TENM4: variants seen among roughly 807,000 people sequenced by gnomAD.
The protein encoded by TENM4 is teneurin-4.
Under a neutral mutation model 243.3 loss-of-function variants are expected in TENM4, and 82 were observed. That is an observed-to-expected ratio of 0.34 (90% CI 0.28 to 0.40). The LOEUF is 0.40. TENM4 is among the 10% of genes least tolerant of loss of function. The pLI, the probability that TENM4 is intolerant of heterozygous loss-of-function variation, is 1.00. For synonymous variants in TENM4, 1,412 were observed against 1,456.3 expected, an observed-to-expected ratio of 0.97 and a Z score of 0.69; for missense variants, 3,138 against 3,673.3, an observed-to-expected ratio of 0.85 and a Z score of 3.77.
intron 3 of TENM4, among the ~76,000 whole-genome samples, chr11:79,181,086 A>G (rs1863273917): frequency 6.6e-6 from 1 of 152,172 alleles, no homozygotes; most frequent in African/African-American, 2.4e-5. Context: ...TTCCTAACTC[A>G]TTCCATGAGG....
intron 2 of TENM4, among the ~76,000 whole-genome samples, chr11:79,271,203 C>T (rs1855963415): frequency 6.6e-6 from 1 of 152,194 alleles, no homozygotes; most frequent in South Asian, 2.1e-4. Flanking sequence ...GCAAGGGGAA[C>T]ATTCAAACTG....
At chr11:79,131,163 A>G (rs933252500) in intron 4 of TENM4, among the ~76,000 whole-genome samples, 21 of 152,206 alleles carry the variant, frequency 1.4e-4, no homozygotes, top group Admixed American at 6.5e-5. Context: ...AGCCATCCAA[A>G]TACAAGAAAT....
At chr11:78,840,244 A>G (rs1381512878) in intron 12 of TENM4, among the ~76,000 whole-genome samples, 2 of 152,198 alleles carry the variant, frequency 1.3e-5, no homozygotes, top group African/African-American at 4.8e-5. Flanking sequence ...CTTCTGCTTT[A>G]GGTCACAGGG....
intron 6 of TENM4, among the ~76,000 whole-genome samples, chr11:79,008,450 CACA>C (rs1378244851): frequency 1.3e-5 from 2 of 152,182 alleles, no homozygotes; most frequent in East Asian, 1.9e-4. Context: ...ACATCATTCA[CACA>C]ACACTATTAA....
At chr11:79,058,543 C>CAA (rs58082527) in intron 6 of TENM4, among the ~76,000 whole-genome samples, 80 of 102,670 alleles carry the variant, frequency 7.8e-4, no homozygotes, top group African/African-American at 2.1e-3. Flanking sequence ...GACTCCATCT[C>CAA]AAAAAAAAAA....
chr11:78,688,984 G>A (rs1858752362), intron 28 of TENM4, among the ~76,000 whole-genome samples: 1 of 152,064 alleles, frequency 6.6e-6, no homozygotes, highest in South Asian at 2.1e-4. Context: ...TCCAATATAC[G>A]AGGCATGGTG....
chr11:78,662,145 C>T (rs1490129093), intron 32 of TENM4, among the ~76,000 whole-genome samples: 1 of 151,908 alleles, frequency 6.6e-6, no homozygotes, highest in East Asian at 1.9e-4. Context: ...ACCTTTTATA[C>T]TCTGACAGCC....
At chr11:78,879,652 C>A (rs139518806) in intron 9 of TENM4, among the ~76,000 whole-genome samples, 8,265 of 129,028 alleles carry the variant, frequency 0.064, 388 homozygotes, top group African/African-American at 0.14. Flanking sequence ...CTCTGCCCGG[C>A]CGCCACACCG....
chr11:79,263,209 A>G (rs1414689489), intron 2 of TENM4, among the ~76,000 whole-genome samples: 1 of 152,192 alleles, frequency 6.6e-6, no homozygotes, highest in Admixed American at 6.5e-5. Flanking sequence ...GCTGTCCACA[A>G]CTGTGGGCCC....
At chr11:79,158,234 A>G (rs1862663842) in intron 3 of TENM4, among the ~76,000 whole-genome samples, 1 of 152,220 alleles carries the variant, frequency 6.6e-6, no homozygotes, top group South Asian at 2.1e-4. Flanking sequence ...AAATACTCAT[A>G]GACACTTAAG....
rs562068484 is a variant in TENM4, at chr11:79,344,755, G to C, written c.-320-47212C>G. Among the ~76,000 whole-genome samples, 281 of 152,272 alleles carry C rather than the reference G, an allele frequency of 1.8e-3. 1 individual carries two copies. Among genetic ancestry groups the C allele is most frequent in the Non-Finnish European group, 2.3e-3 (156 of 68,024 alleles). ...TGCAAAGAAGGAAGCAGAGTAATCAGGCCATCTGCCCAATTTTACCTAAAT... is the reference window on the plus strand; with the variant it reads ...TGCAAAGAAGGAAGCAGAGTAATCACGCCATCTGCCCAATTTTACCTAAAT... On this transcript the variant is annotated intron_variant, in intron 1 of 33. Transcript: ENST00000278550.
intron 6 of TENM4, among the ~76,000 whole-genome samples, chr11:78,996,559 T>C (rs1481064455): frequency 6.6e-6 from 1 of 152,108 alleles, no homozygotes; most frequent in Non-Finnish European, 1.5e-5. Context: ...AGTTTTAGGA[T>C]AGTTTGTTAC....
intron 16 of TENM4, among the ~76,000 whole-genome samples, chr11:78,782,215 T>G (rs961559971): frequency 1.3e-5 from 2 of 150,518 alleles, no homozygotes; most frequent in Non-Finnish European, 2.9e-5. Flanking sequence ...TCCCAGCACT[T>G]TGGGAGGCTG....
chr11:79,205,470 G>T (rs149147681), intron 3 of TENM4, among the ~76,000 whole-genome samples: 1 of 152,080 alleles, frequency 6.6e-6, no homozygotes, highest in South Asian at 2.1e-4. Context: ...CTCCATACCC[G>T]CATCCCTTCC....
chr11:79,023,286 G>C (rs1474680009), intron 6 of TENM4, among the ~76,000 whole-genome samples: 1 of 152,214 alleles, frequency 6.6e-6, no homozygotes, highest in South Asian at 2.1e-4. Context: ...TCAGCCTGGC[G>C]TGGTGGCTCA....
chr11:79,216,305 G>A (rs1213547145), intron 2 of TENM4, among the ~76,000 whole-genome samples: 1 of 152,212 alleles, frequency 6.6e-6, no homozygotes, highest in East Asian at 1.9e-4. Flanking sequence ...AGTAGGAACT[G>A]CGTGTTATTT....
chr11:78,937,346 C>T (rs1056155219), intron 6 of TENM4, among the ~76,000 whole-genome samples: 4 of 152,170 alleles, frequency 2.6e-5, no homozygotes, highest in African/African-American at 7.2e-5. Context: ...CTTTTCTGAA[C>T]ACAAGTCCTG....
In TENM4 at chr11:78,657,858, T is replaced by C. The variant is rs201414598; in HGVS notation, c.*200A>G. ...TCACACTACAGAAAAAAATACCTTC[T>C]GTTCTTTGCAAAAAATGTGCGAAGG... is the stretch of plus-strand genomic sequence containing the variant. On this transcript the variant is annotated 3_prime_UTR_variant, in exon 34 of 34. Coordinates refer to ENST00000278550, the MANE Select transcript of TENM4 (RefSeq NM_001098816.3). 1.6e-4 allele frequency: 120 copies of C among 749,184 alleles called. 1 individual carries two copies. The East Asian group carries it at 3.0e-3, about 19-fold the overall frequency. The allele number at this position is 749,184 out of a possible 1,614,324, so 46.4% of individuals were successfully genotyped here. A position where few individuals can be genotyped will look rare whatever the true frequency, so the allele number is the denominator to read the frequency against.
intron 6 of TENM4, among the ~76,000 whole-genome samples, chr11:79,022,538 C>T (rs1209864793): frequency 6.6e-6 from 1 of 152,204 alleles, no homozygotes; most frequent in East Asian, 1.9e-4. Context: ...CCCTGGAAAC[C>T]TTTCAGTGTG....
Sources: allele counts gnomAD v4.1 joint callset (sites outside exome capture counted in the v4.1 genomes callset), GRCh38; gene constraint gnomAD v4.1.1; transcripts MANE v1.5; gene names NCBI Gene and HGNC (gene_info 2026-07-23, HGNC 2026-07-21).